ADCK1: variants seen among roughly 807,000 people sequenced by gnomAD.
ADCK1 encodes aarF domain containing kinase 1.
A neutral mutation model predicts 52.3 loss-of-function variants in ADCK1; 41 were observed. That is an observed-to-expected ratio of 0.78 (90% confidence interval 0.61 to 1.02). The LOEUF (loss-of-function observed/expected upper bound fraction) is 1.02, where lower values mean the gene tolerates loss of function less well. Among genes scored for constraint, ADCK1 ranks in the 50% least tolerant of loss-of-function variants. The pLI is 0.00. For missense variants in ADCK1, 658 were observed against 679.5 expected (o/e 0.97, Z 0.35); for synonymous variants, 250 against 274.6 (o/e 0.91, Z 0.89).
At chr14:77,826,863 G>A (rs1232621905) in intron 3 of ADCK1, among the ~76,000 whole-genome samples, 5 of 152,118 alleles carry the variant, frequency 3.3e-5, no homozygotes, top group East Asian at 1.9e-4. Context: ...CTATTCTGCC[G>A]GCCCTGGAGG....
At chr14:77,890,615 A>G (rs547143095) in intron 5 of ADCK1, among the ~76,000 whole-genome samples, 8 of 152,180 alleles carry the variant, frequency 5.3e-5, no homozygotes, top group Non-Finnish European at 1.2e-4. Context: ...TTTGGAAAAC[A>G]TAGTCTGCCA....
chr14:77,917,439 A>G (rs1203728689), intron 7 of ADCK1, among the ~76,000 whole-genome samples: 1 of 151,934 alleles, frequency 6.6e-6, no homozygotes, highest in Non-Finnish European at 1.5e-5. Context: ...CCCCAGGAAC[A>G]TGAATAGATT....
intron 3 of ADCK1, chr14:77,827,874 G>T: frequency 2.4e-6 from 1 of 414,806 alleles, no homozygotes; most frequent in Non-Finnish European, 4.7e-6. Flanking sequence ...TATCTCCCAG[G>T]CTGGAGTGCA....
intron 3 of ADCK1, among the ~76,000 whole-genome samples, chr14:77,856,951 G>A (rs1429594348): frequency 1.3e-5 from 2 of 151,728 alleles, no homozygotes; most frequent in Admixed American, 1.3e-4. Context: ...GCAGTGAGCC[G>A]AGACTGCACC....
chr14:77,847,155 G>T (rs574493154), intron 3 of ADCK1, among the ~76,000 whole-genome samples: 51 of 152,176 alleles, frequency 3.4e-4, no homozygotes, highest in Non-Finnish European at 5.6e-4. Context: ...GGGCCTGGGG[G>T]CAGGGGATGG....
chr14:77,908,090 A>T, intron 7 of ADCK1, 171 bp downstream of exon 7: 1 of 572,704 alleles, frequency 1.7e-6, no homozygotes, highest in South Asian at 2.0e-5. Context: ...CTTTCAGGTC[A>T]TTTAGGCCAG....
chr14:77,919,717 C>T (rs2084006029), intron 7 of ADCK1, among the ~76,000 whole-genome samples: 1 of 152,158 alleles, frequency 6.6e-6, no homozygotes, highest in African/African-American at 2.4e-5. Flanking sequence ...TAAAAGTGTT[C>T]CCTTTTCACC....
At chr14:77,850,879 T>G (rs2082270621) in intron 3 of ADCK1, among the ~76,000 whole-genome samples, 1 of 151,698 alleles carries the variant, frequency 6.6e-6, no homozygotes, top group Non-Finnish European at 1.5e-5. Flanking sequence ...ATGGTCTCGA[T>G]CTCCTGACCT....
chr14:77,826,741 A>G (rs989755944), intron 3 of ADCK1, among the ~76,000 whole-genome samples: 11 of 152,158 alleles, frequency 7.2e-5, no homozygotes, highest in Non-Finnish European at 2.9e-5. Flanking sequence ...AGCCATTCTC[A>G]TTTTGGGGAA....
At chr14:77,882,618 C>T (rs61698010) in intron 4 of ADCK1, among the ~76,000 whole-genome samples, 1,733 of 152,284 alleles carry the variant, frequency 0.011, 32 homozygotes, top group African/African-American at 0.04. Context: ...AGGCTGGCCA[C>T]GCTGTGGCAT....
At chr14:77,836,837 G>C (rs1311102097) in intron 3 of ADCK1, among the ~76,000 whole-genome samples, 1 of 143,060 alleles carries the variant, frequency 7.0e-6, no homozygotes, top group African/African-American at 2.6e-5. Context: ...GCAATGGTGC[G>C]ATCTTGGCTC....
chr14:77,852,674 T>TATATA (rs2082318180), intron 3 of ADCK1, among the ~76,000 whole-genome samples: 1 of 21,482 alleles, frequency 4.7e-5, no homozygotes, highest in African/African-American at 1.1e-4. Context: ...TATATATATA[T>TATATA]ATATATATAT....
chr14:77,887,589 A>G (rs571694177), intron 5 of ADCK1, among the ~76,000 whole-genome samples: 4 of 152,306 alleles, frequency 2.6e-5, no homozygotes, highest in Admixed American at 2.6e-4. Context: ...TTGTCTACCA[A>G]AGGGATAGAC....
Position 77,924,572 on chromosome 14 carries a change from C to T in ADCK1, c.974C>T (p.Ala325Val), listed in dbSNP as rs763294475. 1.1e-5 allele frequency: 18 copies of T among 1,613,678 alleles called. No individual in the cohort carries two copies. The highest frequency in any genetic ancestry group is 3.3e-5 in the Admixed American group (2 of 60,012). The change falls in exon 8 of 11, where the codon GCG becomes GTG. Residue 325 changes from alanine (A) to valine (V), a missense_variant. Coordinates refer to ENST00000238561, the MANE Select transcript of ADCK1 (RefSeq NM_020421.4). ...CGGAAGCACCCCGGCACGGGAAAGG[C>T]GGAGATTGTCCTGTTGGACCATGGG... is the stretch of plus-strand genomic sequence containing the variant. ...LVRKHPGTGK[A>V]EIVLLDHGLY...
intron 7 of ADCK1, among the ~76,000 whole-genome samples, chr14:77,909,126 G>GC (rs1566726309): frequency 8.3e-6 from 1 of 120,010 alleles, no homozygotes; most frequent in Non-Finnish European, 1.7e-5. Context: ...GGAGGTAAAT[G>GC]CTTTTTTTTT....
chr14:77,901,892 C>T (rs1414532011), intron 6 of ADCK1, among the ~76,000 whole-genome samples: 1 of 152,142 alleles, frequency 6.6e-6, no homozygotes, highest in East Asian at 1.9e-4. Flanking sequence ...TAGCTTCCAA[C>T]TCTAGGATGG....
chr14:77,873,139 A>C (rs916915717), intron 4 of ADCK1, among the ~76,000 whole-genome samples: 2 of 150,710 alleles, frequency 1.3e-5, no homozygotes, highest in South Asian at 2.1e-4. Flanking sequence ...CTTATCCCTC[A>C]CCTCCCTCCC....
At chr14:77,921,479 G>T (rs895939611) in intron 7 of ADCK1, among the ~76,000 whole-genome samples, 3 of 152,122 alleles carry the variant, frequency 2.0e-5, no homozygotes, top group Admixed American at 1.3e-4. Flanking sequence ...AGTAGAGCAG[G>T]TGGGGTTAGT....
intron 9 of ADCK1, among the ~76,000 whole-genome samples, chr14:77,931,258 C>T (rs1486785502): frequency 6.6e-6 from 1 of 152,196 alleles, no homozygotes; most frequent in African/African-American, 2.4e-5. Flanking sequence ...CCTGGTCTCT[C>T]GCAATGTATA....
Sources: allele counts gnomAD v4.1 joint callset (sites outside exome capture counted in the v4.1 genomes callset), GRCh38; gene constraint gnomAD v4.1.1; transcripts MANE v1.5; gene names NCBI Gene and HGNC (gene_info 2026-07-23, HGNC 2026-07-21).